The following CPVL variants were observed in gnomAD, a reference collection of about 807,000 sequenced individuals.
The protein encoded by CPVL is carboxypeptidase vitellogenic like, also known as probable serine carboxypeptidase CPVL.
A neutral mutation model predicts 63.7 loss-of-function variants in CPVL; 51 were observed. That is an observed-to-expected ratio of 0.80 (90% CI 0.64 to 1.01). The LOEUF is 1.01. CPVL is among the 50% of genes least tolerant of loss of function. The probability of loss-of-function intolerance (pLI) is 0.00; values close to 1 mark genes in which losing one functional copy is unlikely to be tolerated. For missense variants in CPVL, 530 were observed against 573.1 expected (o/e 0.92, Z 0.77); for synonymous variants, 195 against 206.0 (o/e 0.95, Z 0.46).
intron 5 of CPVL, among the ~76,000 whole-genome samples, chr7:29,165,129 A>G (rs1457716068): frequency 6.6e-6 from 1 of 152,186 alleles, no homozygotes; most frequent in Non-Finnish European, 1.5e-5. Flanking sequence ...CATTTAATCT[A>G]AAGATCAATG....
intron 11 of CPVL, among the ~76,000 whole-genome samples, chr7:29,049,554 CA>C (rs1317698010): frequency 6.6e-6 from 1 of 152,030 alleles, no homozygotes; most frequent in Non-Finnish European, 1.5e-5. Flanking sequence ...AGTCCAGAAC[CA>C]GATAGATTTA....
At chr7:29,103,180 TGGGGGGG>T in intron 3 of CPVL, among the ~76,000 whole-genome samples, 1 of 56,152 alleles carries the variant, frequency 1.8e-5, no homozygotes, top group Non-Finnish European at 3.5e-5. Context: ...GTTAATATAC[TGGGGGGG>T]GGGGGGGGGT....
At chr7:29,107,510 C>T (rs1787840001) in intron 3 of CPVL, among the ~76,000 whole-genome samples, 1 of 152,242 alleles carries the variant, frequency 6.6e-6, no homozygotes, top group East Asian at 1.9e-4. Context: ...CGAATGCCAT[C>T]TCCCAAGTTA....
chr7:29,146,773 A>AT (rs1377753622), upstream of CPVL: 3 of 1,548,904 alleles, frequency 1.9e-6, 1 homozygote, highest in South Asian at 3.6e-5. Flanking sequence ...TTTTATTTTG[A>AT]TTTTGTCTCC....
At chr7:29,193,990 G>C (rs1339352900) in intron 1 of CPVL, 1 of 152,496 alleles carries the variant, frequency 6.6e-6, no homozygotes, top group South Asian at 2.1e-4. Flanking sequence ...TTGCAGGGCA[G>C]GGACCGTCAG....
intron 11 of CPVL, among the ~76,000 whole-genome samples, chr7:29,054,115 G>A (rs189866557): frequency 7.8e-4 from 118 of 151,984 alleles, no homozygotes; most frequent in African/African-American, 2.4e-5. Flanking sequence ...TAAATAAATA[G>A]TATACCCTTT....
intron 9 of CPVL, among the ~76,000 whole-genome samples, chr7:29,071,470 G>C (rs996401839): frequency 3.3e-5 from 5 of 152,146 alleles, no homozygotes; most frequent in African/African-American, 1.2e-4. Context: ...CCATATGATA[G>C]AGTCTGCCTT....
intron 12 of CPVL, among the ~76,000 whole-genome samples, chr7:29,014,439 C>T (rs1309377232): frequency 6.6e-6 from 1 of 152,146 alleles, no homozygotes; most frequent in East Asian, 1.9e-4. Flanking sequence ...TCAAGTGATC[C>T]TCCCATCTCA....
At chr7:29,038,377 C>A (rs990894070) in intron 11 of CPVL, among the ~76,000 whole-genome samples, 8 of 152,196 alleles carry the variant, frequency 5.3e-5, no homozygotes, top group Non-Finnish European at 5.9e-5. Flanking sequence ...CAGTAGTCTG[C>A]AACCCAGGAG....
At chr7:29,080,557 CAAAAA>C (rs138264408) in intron 7 of CPVL, among the ~76,000 whole-genome samples, 7 of 103,202 alleles carry the variant, frequency 6.8e-5, no homozygotes, top group Non-Finnish European at 8.0e-5. Flanking sequence ...CACTTTGTCT[CAAAAA>C]AAAAAAAAAA....
intron 7 of CPVL, among the ~76,000 whole-genome samples, chr7:29,075,956 G>GCTTTTTT (rs71555782): frequency 9.1e-6 from 1 of 110,336 alleles, no homozygotes; most frequent in African/African-American, 3.5e-5. Context: ...TGTTGAGATA[G>GCTTTTTT]TTTTTTTTTT....
chr7:29,169,277 A>T (rs567609989), intron 5 of CPVL, among the ~76,000 whole-genome samples: 1 of 152,342 alleles, frequency 6.6e-6, no homozygotes, highest in Non-Finnish European at 1.5e-5. Context: ...TTCTGGGAAG[A>T]ACATTCTATT....
Position 29,157,960 on chromosome 7 carries a change from T to C in CPVL, c.-11+23330A>G, listed in dbSNP as rs182286911. 2.0e-5 allele frequency among the ~76,000 whole-genome samples: 3 copies of C among 152,328 alleles called. No individual in the cohort carries two copies. In the East Asian group the frequency reaches 5.8e-4, roughly 29 times the overall value. ...TGTTTCTCATTTGTGATTCCACTCCTAAAGAGATGTTTTTTGAAAATGGTT... is the reference window on the plus strand; with the variant it reads ...TGTTTCTCATTTGTGATTCCACTCCCAAAGAGATGTTTTTTGAAAATGGTT... On this transcript the variant is annotated intron_variant, in intron 5 of 16. Transcript: ENST00000409850.
intron 9 of CPVL, among the ~76,000 whole-genome samples, chr7:29,070,059 G>A (rs1562752874): frequency 6.6e-6 from 1 of 152,122 alleles, no homozygotes; most frequent in Non-Finnish European, 1.5e-5. Context: ...ACTGTCCTAA[G>A]TATCATTTTA....
At chr7:29,180,045 A>G (rs1797864512) in intron 5 of CPVL, among the ~76,000 whole-genome samples, 1 of 152,226 alleles carries the variant, frequency 6.6e-6, no homozygotes, top group East Asian at 1.9e-4. Flanking sequence ...TCCTTTCATC[A>G]ATGATGTAGG....
At chr7:29,110,411 A>G (rs1185100641) in intron 3 of CPVL, among the ~76,000 whole-genome samples, 1 of 152,182 alleles carries the variant, frequency 6.6e-6, no homozygotes, top group Non-Finnish European at 1.5e-5. Flanking sequence ...TCTTTCTGGT[A>G]AAAGGCGTGT....
intron 5 of CPVL, among the ~76,000 whole-genome samples, chr7:29,172,683 C>A (rs1017632500): frequency 2.6e-5 from 4 of 152,088 alleles, no homozygotes; most frequent in African/African-American, 9.7e-5. Flanking sequence ...TTAACCATTG[C>A]TTTTTGACAT....
intron 11 of CPVL, among the ~76,000 whole-genome samples, chr7:29,049,172 C>A (rs1034974016): frequency 1.3e-5 from 2 of 151,632 alleles, no homozygotes; most frequent in African/African-American, 2.4e-5. Flanking sequence ...TAACCAAGAT[C>A]AGAACAGAAA....
chr7:29,110,613 C>G (rs1032458316), intron 3 of CPVL, among the ~76,000 whole-genome samples: 2 of 152,146 alleles, frequency 1.3e-5, no homozygotes, highest in Non-Finnish European at 2.9e-5. Context: ...GAAAACATAT[C>G]GAGACTCAAT....
Sources: allele counts gnomAD v4.1 joint callset (sites outside exome capture counted in the v4.1 genomes callset), GRCh38; gene constraint gnomAD v4.1.1; transcripts MANE v1.5; gene names NCBI Gene and HGNC (gene_info 2026-07-23, HGNC 2026-07-21).